CORO2B: variants seen among roughly 807,000 people sequenced by gnomAD.
The protein encoded by CORO2B is coronin 2B, also known as coronin-2B.
CORO2B carries 26 observed loss-of-function variants against 58.8 expected under a neutral mutation model. The ratio of observed to expected loss-of-function variants is 0.44; its 90% CI spans 0.32 to 0.61. The LOEUF is 0.61. Among genes scored for constraint, CORO2B ranks in the 20% least tolerant of loss-of-function variants. CORO2B has a pLI of 0.04. For missense variants in CORO2B, 460 were observed against 645.1 expected (o/e 0.71, Z 3.11); for synonymous variants, 242 against 253.8 (o/e 0.95, Z 0.44).
At chr15:68,601,518 A>G (rs187998762) in intron 1 of CORO2B, among the ~76,000 whole-genome samples, 1 of 152,240 alleles carries the variant, frequency 6.6e-6, no homozygotes, top group Non-Finnish European at 1.5e-5. Flanking sequence ...CAGTGCGAGG[A>G]GGGCTAGGAT....
intron 1 of CORO2B, among the ~76,000 whole-genome samples, chr15:68,630,422 G>GC (rs1900796712): frequency 6.7e-6 from 1 of 149,654 alleles, no homozygotes; most frequent in Non-Finnish European, 1.5e-5. Flanking sequence ...GAAATGAAAT[G>GC]TTTTTTTTTT....
At chr15:68,557,758 C>T in the CORO2B span, among the ~76,000 whole-genome samples, 25 of 152,360 alleles carry the variant, frequency 1.6e-4, no homozygotes, top group East Asian at 2.1e-3. Flanking sequence ...AATGCCAGGA[C>T]GTAAACCCAG....
intron 2 of CORO2B, among the ~76,000 whole-genome samples, chr15:68,659,555 T>A (rs902158205): frequency 4.0e-5 from 6 of 151,628 alleles, no homozygotes; most frequent in Admixed American, 2.0e-4. Context: ...TCTAAAAAAA[T>A]TTTTTTGATT....
chr15:68,715,847 C>T (rs141766536), intron 8 of CORO2B, among the ~76,000 whole-genome samples: 2 of 152,204 alleles, frequency 1.3e-5, no homozygotes, highest in Non-Finnish European at 2.9e-5. Context: ...ATTCTCCCAC[C>T]ACTAAAAGTC....
intron 11 of CORO2B, 99 bp from the exon 12 acceptor site, chr15:68,725,744 G>A (rs928409852): frequency 4.3e-5 from 65 of 1,506,822 alleles, no homozygotes; most frequent in Non-Finnish European, 5.5e-5. Context: ...GGGAATGTGA[G>A]GGCACGGGCG....
intron 2 of CORO2B, among the ~76,000 whole-genome samples, chr15:68,656,436 G>A (rs1901810426): frequency 6.6e-6 from 1 of 152,054 alleles, no homozygotes; most frequent in African/African-American, 2.4e-5. Flanking sequence ...GGTATGGAGG[G>A]GTAGTGCTTA....
At chr15:68,697,150 ATGGATGGATTGT>A (rs1892532344) in intron 3 of CORO2B, among the ~76,000 whole-genome samples, 1 of 151,560 alleles carries the variant, frequency 6.6e-6, no homozygotes, top group South Asian at 2.1e-4. Flanking sequence ...GGATTGTTGG[ATGGATGGATTGT>A]TGGATGGATA....
chr15:68,570,799 GTTTTTT>G, the CORO2B span, among the ~76,000 whole-genome samples: 4 of 78,770 alleles, frequency 5.1e-5, no homozygotes, highest in African/African-American at 2.1e-4. Flanking sequence ...ACTACACGTA[GTTTTTT>G]TTTTTTTTTT....
At position 68,589,859 on chromosome 15, in the gene CORO2B, G is replaced by A. The variant is rs1011603041; in HGVS notation, c.15+10582G>A. Among the ~76,000 whole-genome samples, 3 of 152,236 alleles carry A rather than the reference G, an allele frequency of 2.0e-5. No individual in the cohort carries two copies. In the East Asian group the frequency reaches 5.8e-4, roughly 29 times the overall value. On this transcript the variant is annotated intron_variant, in intron 1 of 11. Coordinates refer to ENST00000261861, the MANE Select transcript of CORO2B (RefSeq NM_006091.5). ...TGGTTTGGCAGTGGCAGAGGCAGAGGGAGCAACTTCGGAGCCCTTTCTGCT... is the reference window on the plus strand; with the variant it reads ...TGGTTTGGCAGTGGCAGAGGCAGAGAGAGCAACTTCGGAGCCCTTTCTGCT...
chr15:68,603,416 T>C (rs1900032628), intron 1 of CORO2B, among the ~76,000 whole-genome samples: 1 of 152,112 alleles, frequency 6.6e-6, no homozygotes, highest in East Asian at 1.9e-4. Flanking sequence ...CAGAGGAGCC[T>C]TCGTGGAGGA....
At chr15:68,629,852 G>A (rs1006308808) in intron 1 of CORO2B, among the ~76,000 whole-genome samples, 4 of 152,124 alleles carry the variant, frequency 2.6e-5, no homozygotes, top group African/African-American at 9.7e-5. Context: ...GTGTGTGTGT[G>A]TTGTGTGCAT....
In CORO2B at chr15:68,711,646, C is replaced by T. The variant is rs764440010; in HGVS notation, c.588C>T (p.Thr196=). 1.5e-5 allele frequency: 25 copies of T among 1,614,004 alleles called. No homozygotes were observed. Among genetic ancestry groups the T allele is most frequent in the Non-Finnish European group, 2.0e-5 (24 of 1,179,986 alleles). ...TCAACACGGACGGCAGCCTGCTCAC[C>T]ACCACGTGCAAGGACAAGAAGCTGC... is the stretch of plus-strand genomic sequence containing the variant. The part of the protein sequence containing the change: ...MSFNTDGSLL[T]TTCKDKKLRV... Residue 196 remains threonine, a synonymous_variant, in exon 5 of 12, where the codon ACC becomes ACT. Transcript: ENST00000261861.
chr15:68,537,857 A>G, the CORO2B span, among the ~76,000 whole-genome samples: 4 of 152,226 alleles, frequency 2.6e-5, no homozygotes, highest in Non-Finnish European at 5.9e-5. Flanking sequence ...GGCAAAACCT[A>G]AAATATTTAC....
intron 1 of CORO2B, among the ~76,000 whole-genome samples, chr15:68,584,334 C>G (rs1013113770): frequency 6.6e-6 from 1 of 152,232 alleles, no homozygotes; most frequent in Non-Finnish European, 1.5e-5. Flanking sequence ...GTTCCCCTCC[C>G]CCGAGGCACT....
At chr15:68,705,782 C>G (rs144004715) in intron 3 of CORO2B, among the ~76,000 whole-genome samples, 1 of 152,174 alleles carries the variant, frequency 6.6e-6, no homozygotes, top group African/African-American at 2.4e-5. Flanking sequence ...GCTCATGTAT[C>G]TAGAAGGCTT....
At position 68,683,444 on chromosome 15, in the gene CORO2B, C is replaced by T. The variant is rs537107395; in HGVS notation, c.217-11696C>T. Among the ~76,000 whole-genome samples the T allele has an allele frequency of 1.1e-3, 164 of 152,318 alleles. No individual in the cohort carries two copies. The South Asian group carries it at 0.013, about 13-fold the overall frequency. ...GCCTCGAGATGGTGCAAGCACTGTC[C>T]TTTTCTTTTGATTTTCTGCCTAAAC... is the stretch of plus-strand genomic sequence containing the variant. On this transcript the variant is annotated intron_variant, in intron 2 of 11. Coordinates refer to ENST00000261861, the MANE Select transcript of CORO2B (RefSeq NM_006091.5).
intron 1 of CORO2B, among the ~76,000 whole-genome samples, chr15:68,618,304 G>A (rs1447757169): frequency 1.3e-5 from 2 of 152,192 alleles, no homozygotes; most frequent in African/African-American, 4.8e-5. Context: ...TCCAGTGTGA[G>A]AAACATGGGT....
intron 2 of CORO2B, among the ~76,000 whole-genome samples, chr15:68,678,606 A>G (rs960883211): frequency 1.3e-5 from 2 of 152,206 alleles, no homozygotes; most frequent in African/African-American, 2.4e-5. Flanking sequence ...CCCAGGAGAC[A>G]GAGGTTGCAG....
At chr15:68,619,870 T>C (rs1900469532) in intron 1 of CORO2B, among the ~76,000 whole-genome samples, 2 of 152,130 alleles carry the variant, frequency 1.3e-5, no homozygotes, top group African/African-American at 4.8e-5. Context: ...AATGCTGGCA[T>C]CGTCACTCTC....
Sources: gnomAD v4.1 joint callset for allele counts (sites outside exome capture counted in the v4.1 genomes callset) on GRCh38, gnomAD v4.1.1 for gene constraint, MANE v1.5 for transcripts, NCBI Gene and HGNC (gene_info 2026-07-23, HGNC 2026-07-21) for gene names.